Variants in ZGRF1 observed in about 807,000 individuals in gnomAD.
ZGRF1 encodes 5'-3' DNA helicase ZGRF1.
ZGRF1 carries 196 observed loss-of-function variants against 203.5 expected under a neutral mutation model. The ratio of observed to expected loss-of-function variants is 0.96; its 90% CI spans 0.86 to 1.08. The LOEUF (loss-of-function observed/expected upper bound fraction) is 1.08, where lower values mean the gene tolerates loss of function less well. Ranked by LOEUF, ZGRF1 falls within the 50% of genes least tolerant of loss-of-function variation. The probability of loss-of-function intolerance (pLI) is 0.00; values close to 1 mark genes in which losing one functional copy is unlikely to be tolerated. For missense variants in ZGRF1, 2,326 were observed against 2,416.3 expected (o/e 0.96, Z 0.78); for synonymous variants, 809 against 841.3 (o/e 0.96, Z 0.66).
chr4:112,619,301 T>A lies in ZGRF1; in HGVS notation c.741A>T (p.Gln247His), dbSNP rs1233290778. The A allele has an allele frequency of 6.2e-7, 1 of 1,613,402 alleles. No homozygotes were observed. Among genetic ancestry groups the A allele is most frequent in the South Asian group, 1.1e-5 (1 of 90,980 alleles). Reference sequence around the variant, plus strand: ...ATATCTGTGCTTTGCTTCTGATGTTTTGTGAAACTCCTGAATAGTGAGATG... The same window carrying A: ...ATATCTGTGCTTTGCTTCTGATGTTATGTGAAACTCCTGAATAGTGAGATG... ...SLASHYSGVSQNIRSKAQILA... is the reference protein window; with the variant it reads ...SLASHYSGVSHNIRSKAQILA... Residue 247 changes from glutamine (Q) to histidine (H), a missense_variant, in exon 6 of 28, where the codon CAA (glutamine) becomes CAT (histidine). Physicochemically the swap from Gln to His is conservative, Grantham distance 24. Coordinates refer to ENST00000505019, the MANE Select transcript of ZGRF1 (RefSeq NM_018392.5).
intron 3 of ZGRF1, among the ~76,000 whole-genome samples, chr4:112,627,306 T>A (rs189508829): frequency 1.3e-5 from 2 of 152,214 alleles, no homozygotes; most frequent in Admixed American, 6.5e-5. Flanking sequence ...TTTTTCTCCA[T>A]TGCCATTGCA....
intron 11 of ZGRF1, among the ~76,000 whole-genome samples, chr4:112,588,785 G>C (rs1371373115): frequency 1.3e-5 from 2 of 152,156 alleles, no homozygotes; most frequent in African/African-American, 2.4e-5. Flanking sequence ...CATCTGGAAA[G>C]TAGCAGAGCA....
chr4:112,615,740 T>C (rs1188718996), intron 6 of ZGRF1, among the ~76,000 whole-genome samples: 3 of 151,762 alleles, frequency 2.0e-5, no homozygotes, highest in Middle Eastern at 3.2e-3. Flanking sequence ...TTCAAATGAT[T>C]CTCCTGCCTC....
At chr4:112,551,001 T>C (rs1311203437) in intron 22 of ZGRF1, among the ~76,000 whole-genome samples, 1 of 152,188 alleles carries the variant, frequency 6.6e-6, no homozygotes, top group Non-Finnish European at 1.5e-5. Flanking sequence ...AGTTAACTAT[T>C]AAAAAGCTAT....
In ZGRF1 at chr4:112,560,875, A is replaced by G. The variant is rs1466213145; in HGVS notation, c.4818T>C (p.Ala1606=). 10 of 1,613,816 alleles carry G rather than the reference A, an allele frequency of 6.2e-6. No individual in the cohort carries two copies. Among genetic ancestry groups the G allele is most frequent in the East Asian group, 2.2e-5 (1 of 44,830 alleles). Residue 1606 remains alanine, a synonymous_variant, in exon 19 of 28, where the codon GCT becomes GCC. Transcript: ENST00000505019. ...LLSLGATLKL[A]SELIQVHKLN... is the part of the protein sequence containing the mutation. ...ACTTGTGTACCTGAATCAACTCACT[A>G]GCTAACTTCAATGTTGCTCCTAGGC...
intron 3 of ZGRF1, among the ~76,000 whole-genome samples, chr4:112,628,462 T>C (rs1401402752): frequency 1.3e-5 from 2 of 152,236 alleles, no homozygotes; most frequent in Non-Finnish European, 1.5e-5. Context: ...TGTCTACCAG[T>C]AATATGTTGG....
Position 112,549,130 on chromosome 4 carries a change from AT to A in ZGRF1, c.5347-751del, listed in dbSNP as rs1388659240. ...CTCCGTCTCAAAAAAAAAAAAAAAA[AT>A]GTAAAGATGACTAATTCTAAACAAC... On this transcript the variant is annotated intron_variant, in intron 22 of 27. Transcript: ENST00000505019. Among the ~76,000 whole-genome samples the A allele has an allele frequency of 2.6e-5, 4 of 151,436 alleles. 1 individual carries two copies. Among genetic ancestry groups the A allele is most frequent in the Non-Finnish European group, 5.9e-5 (4 of 67,860 alleles).
At chr4:112,614,947 T>G (rs1163088894) in intron 6 of ZGRF1, among the ~76,000 whole-genome samples, 1 of 152,168 alleles carries the variant, frequency 6.6e-6, no homozygotes, top group Non-Finnish European at 1.5e-5. Context: ...AAGAGTTATA[T>G]TGCTGTTGGC....
At chr4:112,586,261 A>G (rs1325392098) in intron 13 of ZGRF1, among the ~76,000 whole-genome samples, 184 bp downstream of exon 13, 1 of 152,016 alleles carries the variant, frequency 6.6e-6, no homozygotes, top group Non-Finnish European at 1.5e-5. Context: ...AGAAGATTGT[A>G]ATTTCCCACT....
At chr4:112,554,020 T>A in intron 21 of ZGRF1, 38 bp from the exon 22 acceptor site, 1 of 1,550,566 alleles carries the variant, frequency 6.4e-7, no homozygotes, top group Non-Finnish European at 8.7e-7. Context: ...TTTATTCCAT[T>A]TTTCATAACA....
At chr4:112,571,078 G>A (rs1744123769) in intron 16 of ZGRF1, among the ~76,000 whole-genome samples, 1 of 150,892 alleles carries the variant, frequency 6.6e-6, no homozygotes, top group African/African-American at 2.4e-5. Context: ...CACTCAGCCT[G>A]GGCAACAGAG....
At chr4:112,628,619 G>T (rs1229828577) in intron 3 of ZGRF1, 1 of 456,192 alleles carries the variant, frequency 2.2e-6, no homozygotes, top group Non-Finnish European at 4.4e-6. Context: ...TAATTAACTT[G>T]CCTGGAACAT....
chr4:112,574,549 A>C lies in ZGRF1; in HGVS notation c.4438+7114T>G, dbSNP rs193243195. Among the ~76,000 whole-genome samples, 98 of 152,316 alleles carry C rather than the reference A, an allele frequency of 6.4e-4. 1 individual carries two copies. Among genetic ancestry groups the C allele is most frequent in the African/African-American group, 2.3e-3 (96 of 41,574 alleles). On this transcript the variant is annotated intron_variant, in intron 16 of 27. Coordinates refer to ENST00000505019, the MANE Select transcript of ZGRF1 (RefSeq NM_018392.5). ...GAGGTAATGGGGTTAACTTAAATGTAGGTTGGTATAAAGGTACTAGATTTT... is the reference window on the plus strand; with the variant it reads ...GAGGTAATGGGGTTAACTTAAATGTCGGTTGGTATAAAGGTACTAGATTTT...
intron 18 of ZGRF1, 190 bp downstream of exon 18, chr4:112,562,181 T>C (rs553793153): frequency 4.6e-4 from 211 of 457,808 alleles, no homozygotes; most frequent in African/African-American, 4.0e-3. Flanking sequence ...AGTGCTGGGA[T>C]TACAGGCATG....
rs1223778807 is a variant in ZGRF1 at position 112,588,056 on chromosome 4, T to C, written c.3128-127A>G. 6.2e-5 allele frequency: 27 copies of C among 433,064 alleles called. 2 individuals carry two copies. The South Asian group carries it at 1.2e-3, about 18-fold the overall frequency. The allele number at this position is 433,064 out of a possible 1,614,324, so 26.8% of individuals were successfully genotyped here. A position where few individuals can be genotyped will look rare whatever the true frequency, so the allele number is the denominator to read the frequency against. On this transcript the variant is annotated intron_variant, in intron 11 of 27. Coordinates refer to ENST00000505019, the MANE Select transcript of ZGRF1 (RefSeq NM_018392.5). ...TCTGAAAAAAAAAATCACATTATTT[T>C]ATTTCCTTAAAAAAAAATTAATGGT...
intron 16 of ZGRF1, among the ~76,000 whole-genome samples, chr4:112,563,596 C>T (rs1742430753): frequency 6.6e-6 from 1 of 152,134 alleles, no homozygotes; most frequent in South Asian, 2.1e-4. Context: ...GATGAGTTTG[C>T]TACAATGGAA....
At chr4:112,598,763 T>C (rs1455815243) in intron 10 of ZGRF1, among the ~76,000 whole-genome samples, 3 of 152,164 alleles carry the variant, frequency 2.0e-5, no homozygotes, top group Non-Finnish European at 4.4e-5. Flanking sequence ...AGAAAAATCA[T>C]AATCAGGCCA....
intron 14 of ZGRF1, among the ~76,000 whole-genome samples, chr4:112,584,410 ATTTG>A (rs1314998937): frequency 6.6e-6 from 1 of 152,152 alleles, no homozygotes. Context: ...TTATTTGAAA[ATTTG>A]TTTTTCTGAT....
At chr4:112,577,548 G>A (rs190792664) in intron 16 of ZGRF1, among the ~76,000 whole-genome samples, 2,658 of 122,092 alleles carry the variant, frequency 0.022, 689 homozygotes, top group Middle Eastern at 0.068. Context: ...CACATGCAGA[G>A]ACACACATAG....
Sources: gnomAD v4.1 joint callset for allele counts (sites outside exome capture counted in the v4.1 genomes callset) on GRCh38, gnomAD v4.1.1 for gene constraint, MANE v1.5 for transcripts, NCBI Gene and HGNC (gene_info 2026-07-23, HGNC 2026-07-21) for gene names.